Variants in RAP1GAP2 observed in about 807,000 individuals in gnomAD.
The protein encoded by RAP1GAP2 is rap1 GTPase-activating protein 2.
RAP1GAP2 carries 27 observed loss-of-function variants against 95.0 expected under a neutral mutation model. The observed-to-expected ratio is 0.28, with a 90% CI of 0.21 to 0.39. RAP1GAP2 has a LOEUF of 0.39. Ranked by LOEUF, RAP1GAP2 falls within the 10% of genes least tolerant of loss-of-function variation. The pLI, the probability that RAP1GAP2 is intolerant of heterozygous loss-of-function variation, is 1.00. For synonymous variants in RAP1GAP2, 373 were observed against 380.9 expected, an observed-to-expected ratio of 0.98 and a Z score of 0.24; for missense variants, 771 against 970.0, an observed-to-expected ratio of 0.79 and a Z score of 2.72.
At chr17:2,872,706 A>C (rs1867276) in intron 2 of RAP1GAP2, among the ~76,000 whole-genome samples, 1 of 150,808 alleles carries the variant, frequency 6.6e-6, no homozygotes, top group South Asian at 2.1e-4. Flanking sequence ...TTTTTTTTTT[A>C]CAAAGACAAA....
intron 17 of RAP1GAP2, among the ~76,000 whole-genome samples, chr17:3,009,288 A>T (rs1347683725): frequency 6.6e-6 from 1 of 152,266 alleles, no homozygotes; most frequent in Non-Finnish European, 1.5e-5. Flanking sequence ...CTGTTATTAC[A>T]GTTGTATAAA....
rs115611038 is a variant in RAP1GAP2 at position 2,998,716 on chromosome 17, C to T, written c.1200+340C>T. On this transcript the variant is annotated intron_variant, in intron 14 of 24. Transcript: ENST00000254695. ...GTGTAGTATTTGGAATTTGGTAATG[C>T]CATTTGCTCGCTGTGAGTGTAGTAT... 4.7e-3 allele frequency among the ~76,000 whole-genome samples: 701 copies of T among 148,116 alleles called. 1 individual carries two copies. The highest frequency in any genetic ancestry group is 0.015 in the African/African-American group (572 of 39,098).
At position 2,923,706 on chromosome 17, in the gene RAP1GAP2, G is replaced by C. The variant is rs555083154; in HGVS notation, c.165+18338G>C. Reference sequence around the variant, plus strand: ...TAACCAGCAAATATGAAACACCCCAGACAATTTTAAATAAAATGATATATG... The same window carrying C: ...TAACCAGCAAATATGAAACACCCCACACAATTTTAAATAAAATGATATATG... On this transcript the variant is annotated intron_variant, in intron 3 of 24. Transcript: ENST00000254695. Among the ~76,000 whole-genome samples the C allele has an allele frequency of 2.0e-5, 3 of 151,518 alleles. No individual in the cohort carries two copies. The East Asian group carries it at 5.8e-4, about 29-fold the overall frequency.
chr17:2,835,511 A>G (rs1220119931), intron 2 of RAP1GAP2, among the ~76,000 whole-genome samples: 1 of 152,186 alleles, frequency 6.6e-6, no homozygotes, highest in Non-Finnish European at 1.5e-5. Flanking sequence ...GTGAGCCACC[A>G]CAAACTTGTT....
chr17:2,883,250 CT>C (rs2073371193), intron 2 of RAP1GAP2, among the ~76,000 whole-genome samples: 1 of 152,240 alleles, frequency 6.6e-6, no homozygotes, highest in Non-Finnish European at 1.5e-5. Context: ...GCAGCAAAGC[CT>C]TTCCTGAGCT....
chr17:2,898,939 G>T (rs938742365), intron 2 of RAP1GAP2, among the ~76,000 whole-genome samples: 5 of 152,174 alleles, frequency 3.3e-5, no homozygotes, highest in African/African-American at 1.2e-4. Flanking sequence ...GTATTGATTA[G>T]CAGGAGTATT....
chr17:2,811,109 G>C (rs990002731), intron 2 of RAP1GAP2, among the ~76,000 whole-genome samples: 3 of 152,110 alleles, frequency 2.0e-5, no homozygotes, highest in African/African-American at 2.4e-5. Context: ...ACACTGGAAG[G>C]CTGCTTTTTC....
chr17:2,974,619 A>G (rs369706283), intron 8 of RAP1GAP2, among the ~76,000 whole-genome samples: 1 of 152,150 alleles, frequency 6.6e-6, no homozygotes, highest in African/African-American at 2.4e-5. Context: ...GCATGTTTAA[A>G]AGGAGGCTTG....
intron 11 of RAP1GAP2, among the ~76,000 whole-genome samples, chr17:2,990,111 A>G (rs147213049): frequency 1.1e-3 from 164 of 152,322 alleles, no homozygotes; most frequent in African/African-American, 3.8e-3. Flanking sequence ...CATTGTGTGG[A>G]TAGCCCACAT....
chr17:2,980,205 A>G (rs1021193048), intron 8 of RAP1GAP2, 82 bp from the exon 9 acceptor site: 1 of 1,377,786 alleles, frequency 7.3e-7, no homozygotes, highest in Admixed American at 1.8e-5. Context: ...GGCCTCCCAA[A>G]ATGCTGAGAT....
In RAP1GAP2 at chr17:2,761,979, CTTTTTTTTT is replaced by C. The variant is rs901487276; in HGVS notation, c.50+6231_50+6239del. On this transcript the variant is annotated intron_variant, in intron 1 of 25. Coordinates refer to the RAP1GAP2 transcript ENST00000637138. ...ATGTAGTTATTGTCCGTTTATATAT[CTTTTTTTTT>C]TTTTTTTTTTTTTTTTTTGAGACGG... Among the ~76,000 whole-genome samples, 15 of 77,746 alleles carry C rather than the reference CTTTTTTTTT, an allele frequency of 1.9e-4. No individual in the cohort carries two copies. The South Asian group carries it at 2.3e-3, about 12-fold the overall frequency. The allele number at this position is 77,746 out of a possible 152,430, so 51.0% of individuals were successfully genotyped here.
At chr17:2,895,659 C>T (rs1306124265) in intron 2 of RAP1GAP2, among the ~76,000 whole-genome samples, 1 of 152,046 alleles carries the variant, frequency 6.6e-6, no homozygotes, top group East Asian at 1.9e-4. Context: ...TTACTGCAAC[C>T]TCCGCCTCCC....
At chr17:2,851,531 A>G (rs1011444845) in intron 2 of RAP1GAP2, among the ~76,000 whole-genome samples, 1 of 152,122 alleles carries the variant, frequency 6.6e-6, no homozygotes, top group Non-Finnish European at 1.5e-5. Context: ...CAGGGGCAGA[A>G]GGATGGGACC....
chr17:3,026,392 C>A lies in RAP1GAP2; in HGVS notation c.1908C>A (p.Arg636=). The change falls in exon 21 of 25, where the codon CGC becomes CGA. Residue 636 remains arginine, a synonymous_variant. Transcript: ENST00000254695. The part of the protein sequence containing the change: ...KLKENGRAIS[R]SSSSTSSVSS... ...AGGAAAACGGCCGTGCCATCTCCCG[C>A]TCCTCCTCCAGCACCAGCAGCGTCA... 2 of 1,552,320 alleles carry A rather than the reference C, an allele frequency of 1.3e-6. No individual in the cohort carries two copies. Among genetic ancestry groups the A allele is most frequent in the Non-Finnish European group, 1.7e-6 (2 of 1,147,484 alleles).
chr17:2,778,982 C>G (rs370993947), intron 1 of RAP1GAP2, among the ~76,000 whole-genome samples: 3 of 152,208 alleles, frequency 2.0e-5, no homozygotes, highest in East Asian at 1.9e-4. Flanking sequence ...CATTCGCTCC[C>G]GTGTGGACTT....
chr17:2,877,847 G>A (rs2073150961), intron 2 of RAP1GAP2, among the ~76,000 whole-genome samples: 1 of 152,180 alleles, frequency 6.6e-6, no homozygotes, highest in South Asian at 2.1e-4. Context: ...GGGCTCATAT[G>A]ATCAGGTTGA....
chr17:2,923,316 G>A (rs1360771684), intron 3 of RAP1GAP2, among the ~76,000 whole-genome samples: 1 of 149,934 alleles, frequency 6.7e-6, no homozygotes, highest in Non-Finnish European at 1.5e-5. Flanking sequence ...GGGGTTACAG[G>A]TGTGAGCCAC....
intron 2 of RAP1GAP2, among the ~76,000 whole-genome samples, chr17:2,889,321 TC>T (rs1313834458): frequency 1.3e-5 from 2 of 152,100 alleles, no homozygotes; most frequent in East Asian, 3.9e-4. Context: ...GTCTATGAGC[TC>T]CCCATGTGTT....
intron 12 of RAP1GAP2, among the ~76,000 whole-genome samples, chr17:2,994,705 G>C (rs1407409406): frequency 6.6e-6 from 1 of 152,250 alleles, no homozygotes; most frequent in Admixed American, 6.5e-5. Context: ...TGGCACCGGG[G>C]ATGGGCATTT....
Sources: allele counts gnomAD v4.1 joint callset (sites outside exome capture counted in the v4.1 genomes callset), GRCh38; gene constraint gnomAD v4.1.1; transcripts MANE v1.5; gene names NCBI Gene and HGNC (gene_info 2026-07-23, HGNC 2026-07-21).